THSD4: variants seen among roughly 807,000 people sequenced by gnomAD.
THSD4 encodes thrombospondin type 1 domain containing 4, also known as thrombospondin type-1 domain-containing protein 4.
THSD4 carries 69 observed loss-of-function variants against 119.0 expected under a neutral mutation model. The ratio of observed to expected loss-of-function variants is 0.58; its 90% confidence interval spans 0.48 to 0.71. THSD4 has a LOEUF of 0.71. Among genes scored for constraint, THSD4 ranks in the 30% least tolerant of loss-of-function variants. The pLI is 0.00. For synonymous variants in THSD4, 524 were observed against 540.4 expected (o/e 0.97, Z 0.42); for missense variants, 1,393 against 1,391.1 (o/e 1.00, Z -0.02).
At position 71,696,597 on chromosome 15, in the gene THSD4, G is replaced by A. The variant is rs569478406; in HGVS notation, c.1358-31952G>A. Among the ~76,000 whole-genome samples the A allele has an allele frequency of 5.9e-5, 9 of 152,256 alleles. No homozygotes were observed. The South Asian group carries it at 1.7e-3, about 28-fold the overall frequency. Reference sequence around the variant, plus strand: ...GGCTTCCAATTAGCTGAAGATAATGGTGGCAGCCAGATGCCCATATCCCAA... The same window carrying A: ...GGCTTCCAATTAGCTGAAGATAATGATGGCAGCCAGATGCCCATATCCCAA... On this transcript the variant is annotated intron_variant, in intron 8 of 17. Coordinates refer to ENST00000261862, the MANE Select transcript of THSD4 (RefSeq NM_024817.3).
intron 7 of THSD4, among the ~76,000 whole-genome samples, chr15:71,498,305 C>A (rs2048058065): frequency 6.6e-6 from 1 of 152,194 alleles, no homozygotes; most frequent in African/African-American, 2.4e-5. Flanking sequence ...TAAATGCTAA[C>A]ATTTTAGGGT....
chr15:71,370,773 G>A (rs564019441), intron 6 of THSD4, among the ~76,000 whole-genome samples: 29 of 152,338 alleles, frequency 1.9e-4, no homozygotes, highest in African/African-American at 6.7e-4. Flanking sequence ...TTGGGGTGGA[G>A]AGTTCTGTAG....
intron 7 of THSD4, among the ~76,000 whole-genome samples, chr15:71,563,132 A>C (rs186476532): frequency 1.3e-3 from 192 of 152,204 alleles, no homozygotes; most frequent in African/African-American, 4.2e-3. Flanking sequence ...TATATCCCAC[A>C]TCGTCCTATG....
intron 3 of THSD4, among the ~76,000 whole-genome samples, chr15:71,182,511 A>G (rs1375108793): frequency 6.6e-6 from 1 of 151,754 alleles, no homozygotes; most frequent in African/African-American, 2.4e-5. Flanking sequence ...TTTTTCTCAA[A>G]ATTTCCATTC....
chr15:71,495,434 T>G (rs932502255), intron 7 of THSD4, among the ~76,000 whole-genome samples: 2 of 152,250 alleles, frequency 1.3e-5, no homozygotes, highest in South Asian at 4.1e-4. Context: ...TCCCCAATAT[T>G]CATTCCCTCC....
intron 7 of THSD4, among the ~76,000 whole-genome samples, chr15:71,495,640 G>A: frequency 6.6e-6 from 1 of 152,160 alleles, no homozygotes. Context: ...TGTAGACACT[G>A]TAAAGGATTA....
intron 1 of THSD4, among the ~76,000 whole-genome samples, chr15:71,130,831 G>A (rs796895202): frequency 9.6e-4 from 146 of 152,212 alleles, no homozygotes; most frequent in African/African-American, 3.4e-3. Context: ...TGCAAGCTCC[G>A]CCTCCCGGGT....
intron 6 of THSD4, among the ~76,000 whole-genome samples, chr15:71,315,235 C>G (rs1471736302): frequency 6.6e-6 from 1 of 152,252 alleles, no homozygotes; most frequent in Non-Finnish European, 1.5e-5. Flanking sequence ...TTCACCTGTG[C>G]TCTGGGCTGG....
intron 7 of THSD4, among the ~76,000 whole-genome samples, chr15:71,432,789 A>G (rs974958306): frequency 6.6e-6 from 1 of 151,796 alleles, no homozygotes; most frequent in Non-Finnish European, 1.5e-5. Flanking sequence ...AGTTTTATCT[A>G]TACCATCTTT....
upstream of THSD4, chr15:71,111,554 C>G (rs535449088): frequency 1.5e-6 from 1 of 685,408 alleles, no homozygotes; most frequent in African/African-American, 1.8e-5. Flanking sequence ...TTTTGTTTAC[C>G]ATGCCTCCCT....
At position 71,553,826 on chromosome 15, in the gene THSD4, A is replaced by T. The variant is rs148459456; in HGVS notation, c.1153-106704A>T. ...AATCTACTTACATAGTGAATATATT[A>T]TGGATTTCTTAATGTCGGACTGTCT... On this transcript the variant is annotated intron_variant, in intron 7 of 17. Transcript: ENST00000261862. Among the ~76,000 whole-genome samples the T allele has an allele frequency of 4.6e-5, 7 of 152,342 alleles. No individual in the cohort carries two copies. The East Asian group carries it at 1.2e-3, about 25-fold the overall frequency.
chr15:71,184,333 C>T (rs1269044175), intron 3 of THSD4: 1 of 151,728 alleles, frequency 6.6e-6, no homozygotes, highest in East Asian at 1.9e-4. Flanking sequence ...GGAAAAGAAG[C>T]AGGTGTCCCA....
chr15:71,491,538 G>C (rs1048664574), intron 7 of THSD4, among the ~76,000 whole-genome samples: 1 of 152,168 alleles, frequency 6.6e-6, no homozygotes, highest in African/African-American at 2.4e-5. Flanking sequence ...GCCAGATGTA[G>C]CTCCTCAACT....
intron 6 of THSD4, among the ~76,000 whole-genome samples, chr15:71,357,035 C>T (rs796742367): frequency 5.3e-5 from 8 of 152,298 alleles, no homozygotes; most frequent in African/African-American, 1.9e-4. Context: ...ATATCAATGT[C>T]AGTGCTCCCA....
chr15:71,245,412 C>T (rs1718271030), intron 5 of THSD4, among the ~76,000 whole-genome samples: 1 of 152,166 alleles, frequency 6.6e-6, no homozygotes, highest in African/African-American at 2.4e-5. Context: ...TTTCAGAGGT[C>T]CCCAAGACCA....
intron 6 of THSD4, among the ~76,000 whole-genome samples, chr15:71,355,237 TATAACACGCTTATTGC>T (rs2045793504): frequency 6.6e-6 from 1 of 152,212 alleles, no homozygotes. Context: ...AAAAGACTGA[TATAACACGCTTATTGC>T]ATAAGGTGAG....
At chr15:71,320,289 T>G (rs932116550) in intron 6 of THSD4, among the ~76,000 whole-genome samples, 4 of 152,234 alleles carry the variant, frequency 2.6e-5, no homozygotes, top group Non-Finnish European at 5.9e-5. Context: ...AAAACATCTT[T>G]GTATATTTGG....
At chr15:71,711,989 A>G (rs2141093843) in intron 8 of THSD4, among the ~76,000 whole-genome samples, 1 of 152,288 alleles carries the variant, frequency 6.6e-6, no homozygotes, top group Middle Eastern at 3.4e-3. Context: ...AAAATAATTG[A>G]TAGAACAAGT....
chr15:71,711,584 G>T (rs8034184), intron 8 of THSD4, among the ~76,000 whole-genome samples: 144,938 of 152,218 alleles, frequency 0.95, 69,422 homozygotes, highest in East Asian at 1. Flanking sequence ...ATCTAGTCAT[G>T]ACTCGTTGTA....
Sources: gnomAD v4.1 joint callset for allele counts (sites outside exome capture counted in the v4.1 genomes callset) on GRCh38, gnomAD v4.1.1 for gene constraint, MANE v1.5 for transcripts, NCBI Gene and HGNC (gene_info 2026-07-23, HGNC 2026-07-21) for gene names.